The following C5 variants were observed in gnomAD, a reference collection of about 807,000 sequenced individuals.
C5 encodes the protein C3 and PZP-like alpha-2-macroglobulin domain-containing protein 4.
Under a neutral mutation model 218.8 loss-of-function variants are expected in C5, and 140 were observed. The observed-to-expected ratio is 0.64, with a 90% CI of 0.56 to 0.74. The LOEUF (loss-of-function observed/expected upper bound fraction) is 0.74, where lower values mean the gene tolerates loss of function less well. Ranked by LOEUF, C5 falls within the 30% of genes least tolerant of loss-of-function variation. C5 has a pLI of 0.00. For synonymous variants in C5, 614 were observed against 682.3 expected (o/e 0.90, Z 1.56); for missense variants, 1,700 against 1,969.6 (o/e 0.86, Z 2.59).
chr9:121,037,980 C>T (rs1353850344), intron 3 of C5, 29 bp from the exon 4 acceptor site: 8 of 1,047,864 alleles, frequency 7.6e-6, no homozygotes, highest in Non-Finnish European at 1.0e-5. Flanking sequence ...TAATCAAAAA[C>T]TCTGCTAAAA....
chr9:120,961,930 T>G (rs574740500), intron 36 of C5, among the ~76,000 whole-genome samples: 6 of 152,314 alleles, frequency 3.9e-5, no homozygotes, highest in African/African-American at 1.4e-4. Context: ...TCTCTATATA[T>G]CTATCTCAAG....
chr9:121,072,451 C>G, the C5 span, among the ~76,000 whole-genome samples: 2 of 152,112 alleles, frequency 1.3e-5, no homozygotes, highest in Non-Finnish European at 2.9e-5. Context: ...GCAAATAGAA[C>G]TGAAACTCAG....
chr9:121,021,788 A>G (rs2047368165), intron 10 of C5, 94 bp from the exon 11 acceptor site: 2 of 1,145,250 alleles, frequency 1.7e-6, no homozygotes, highest in Admixed American at 1.7e-5. Context: ...CCACCAAAGT[A>G]TAAATTATTT....
intron 2 of C5, among the ~76,000 whole-genome samples, chr9:121,044,948 CTTTTT>C (rs1158658235): frequency 7.8e-6 from 1 of 127,832 alleles, no homozygotes; most frequent in South Asian, 2.5e-4. Context: ...GTAACACTTT[CTTTTT>C]TTTTTTTTTT....
chr9:120,973,474 C>T (rs2046929747), intron 30 of C5, among the ~76,000 whole-genome samples: 1 of 152,194 alleles, frequency 6.6e-6, no homozygotes, highest in Non-Finnish European at 1.5e-5. Context: ...TGCATACGTC[C>T]TGTGACTGGT....
At chr9:121,000,122 G>T in intron 20 of C5, 1 of 209,122 alleles carries the variant, frequency 4.8e-6, no homozygotes, top group Non-Finnish European at 9.9e-6. Context: ...ATACAAAAGA[G>T]ATGGCAGGCT....
the C5 span, among the ~76,000 whole-genome samples, chr9:121,062,734 T>C: frequency 6.6e-6 from 1 of 152,192 alleles, no homozygotes; most frequent in East Asian, 1.9e-4. Flanking sequence ...AAAGTGATGG[T>C]ATTTACAGAA....
At chr9:121,033,419 C>T (rs1180290143) in intron 5 of C5, among the ~76,000 whole-genome samples, 1 of 152,214 alleles carries the variant, frequency 6.6e-6, no homozygotes, top group Non-Finnish European at 1.5e-5. Context: ...TTTGTAGTAG[C>T]TTCTACTCTG....
chr9:121,037,754 T>G, intron 4 of C5, 127 bp downstream of exon 4: 1 of 542,330 alleles, frequency 1.8e-6, no homozygotes. Context: ...CTATACTCAT[T>G]GCAGATGTTC....
chr9:121,010,146 A>C (rs1341603606), intron 17 of C5, among the ~76,000 whole-genome samples: 2 of 152,220 alleles, frequency 1.3e-5, no homozygotes, highest in African/African-American at 4.8e-5. Flanking sequence ...ACAATTAGAC[A>C]AGAGAAGGAA....
intron 1 of C5, among the ~76,000 whole-genome samples, chr9:121,047,412 T>C (rs2047636907): frequency 6.6e-6 from 1 of 152,238 alleles, no homozygotes; most frequent in African/African-American, 2.4e-5. Flanking sequence ...AATTATTTTA[T>C]TTAAAAACTT....
chr9:121,007,008 A>G, intron 18 of C5, 31 bp from the exon 19 acceptor site: 1 of 1,515,260 alleles, frequency 6.6e-7, no homozygotes, highest in Non-Finnish European at 9.2e-7. Context: ...ATTCAAATAC[A>G]GTGGAATATT....
intron 30 of C5, among the ~76,000 whole-genome samples, chr9:120,973,732 A>G (rs1479449198): frequency 6.6e-6 from 1 of 152,216 alleles, no homozygotes; most frequent in African/African-American, 2.4e-5. Flanking sequence ...TAATCCCAGC[A>G]CTTTGGGAGG....
the C5 span, among the ~76,000 whole-genome samples, chr9:121,070,857 T>C: frequency 1.3e-5 from 2 of 152,246 alleles, no homozygotes; most frequent in Admixed American, 1.3e-4. Flanking sequence ...TATTATATAG[T>C]TTCAAATAGC....
At position 121,002,165 on chromosome 9, in the gene C5, CATATATGT is replaced by C. The variant is rs1340038324; in HGVS notation, c.2562+3746_2562+3753del. Among the ~76,000 whole-genome samples the C allele has an allele frequency of 2.8e-4, 40 of 142,386 alleles. No individual in the cohort carries two copies. The East Asian group carries it at 7.2e-3, about 26-fold the overall frequency. The allele number at this position is 142,386 out of a possible 152,430, so 93.4% of individuals were successfully genotyped here. On this transcript the variant is annotated intron_variant, in intron 20 of 40. Coordinates refer to ENST00000223642, the MANE Select transcript of C5 (RefSeq NM_001735.3). ...GTATGTATATATGTATAGATATGTA[CATATATGT>C]ATATATGTAGATATGTACATATACG...
chr9:121,067,512 C>T, the C5 span, among the ~76,000 whole-genome samples: 313 of 150,532 alleles, frequency 2.1e-3, 1 homozygote, highest in African/African-American at 7.1e-3. Flanking sequence ...TGCAGTGAGC[C>T]GAGATCGCGC....
chr9:121,046,129 A>T, intron 2 of C5, 62 bp downstream of exon 2: 1 of 846,778 alleles, frequency 1.2e-6, no homozygotes, highest in Non-Finnish European at 1.8e-6. Context: ...CAAACTTTGT[A>T]CACATTTTTA....
chr9:121,065,958 G>A, the C5 span, among the ~76,000 whole-genome samples: 1 of 152,236 alleles, frequency 6.6e-6, no homozygotes, highest in East Asian at 1.9e-4. Context: ...CAACAAACTT[G>A]AATGGGCTTA....
chr9:121,047,229 G>A (rs780343970), intron 1 of C5, among the ~76,000 whole-genome samples: 4 of 152,092 alleles, frequency 2.6e-5, no homozygotes, highest in Admixed American at 6.6e-5. Flanking sequence ...AAGGTTATAC[G>A]GTTTGTAAGT....
Sources: allele counts gnomAD v4.1 joint callset (sites outside exome capture counted in the v4.1 genomes callset), GRCh38; gene constraint gnomAD v4.1.1; transcripts MANE v1.5; gene names NCBI Gene and HGNC (gene_info 2026-07-23, HGNC 2026-07-21).